The following BBS9 variants were observed in gnomAD, a reference collection of about 807,000 sequenced individuals.
BBS9 encodes the protein Bardet-Biedl syndrome 9, also known as protein PTHB1.
A neutral mutation model predicts 117.7 loss-of-function variants in BBS9; 89 were observed. The observed-to-expected ratio is 0.76, with a 90% CI of 0.64 to 0.90. BBS9 has a LOEUF of 0.90. Ranked by LOEUF, BBS9 falls within the 40% of genes least tolerant of loss-of-function variation. The pLI is 0.00. For missense variants in BBS9, 982 were observed against 1,042.2 expected (o/e 0.94, Z 0.80); for synonymous variants, 379 against 370.9 (o/e 1.02, Z -0.25).
At chr7:33,312,011 G>C (rs1809360297) in intron 9 of BBS9, among the ~76,000 whole-genome samples, 1 of 152,170 alleles carries the variant, frequency 6.6e-6, no homozygotes, top group Non-Finnish European at 1.5e-5. Context: ...TTTGCATTTT[G>C]TAATACAAGG....
chr7:33,474,416 T>G (rs190211494), intron 19 of BBS9, among the ~76,000 whole-genome samples: 19 of 152,242 alleles, frequency 1.2e-4, no homozygotes, highest in African/African-American at 4.6e-4. Context: ...CTTTAATTTT[T>G]TTCTTATTAC....
At chr7:33,319,010 A>G (rs1811123708) in intron 9 of BBS9, among the ~76,000 whole-genome samples, 2 of 152,138 alleles carry the variant, frequency 1.3e-5, no homozygotes, top group Admixed American at 1.3e-4. Context: ...TAAAAATACA[A>G]AAGTTAGCTG....
At chr7:33,405,023 A>G (rs1202816704) in intron 19 of BBS9, among the ~76,000 whole-genome samples, 1 of 152,186 alleles carries the variant, frequency 6.6e-6, no homozygotes, top group Non-Finnish European at 1.5e-5. Context: ...TGTCCCATCA[A>G]TACCGAACTT....
chr7:33,302,890 A>T (rs1388942853), intron 9 of BBS9, among the ~76,000 whole-genome samples: 1 of 152,190 alleles, frequency 6.6e-6, no homozygotes, highest in South Asian at 2.1e-4. Context: ...TTTTAACAAT[A>T]TTGATTCTTC....
In BBS9 at chr7:33,482,460, G is replaced by A. The variant is rs184555207; in HGVS notation, c.2116-23003G>A. Among the ~76,000 whole-genome samples the A allele has an allele frequency of 2.8e-4, 42 of 152,234 alleles. No individual in the cohort carries two copies. The South Asian group carries it at 8.1e-3, about 29-fold the overall frequency. On this transcript the variant is annotated intron_variant, in intron 19 of 22. Coordinates refer to ENST00000242067, the MANE Select transcript of BBS9 (RefSeq NM_198428.3). ...TTTTTTAGGTTTAACTGGTAACATAGGGGAGATGCCATGAAGGATGGCTCA... is the reference window on the plus strand; with the variant it reads ...TTTTTTAGGTTTAACTGGTAACATAAGGGAGATGCCATGAAGGATGGCTCA...
At chr7:33,350,179 T>A (rs938585719) in intron 13 of BBS9, among the ~76,000 whole-genome samples, 1 of 152,200 alleles carries the variant, frequency 6.6e-6, no homozygotes, top group Non-Finnish European at 1.5e-5. Context: ...TTACTATAGC[T>A]TTTCTGCTAA....
intron 19 of BBS9, among the ~76,000 whole-genome samples, chr7:33,454,837 T>C (rs1838404186): frequency 6.6e-6 from 1 of 152,160 alleles, no homozygotes; most frequent in South Asian, 2.1e-4. Context: ...AGTCTCTTTG[T>C]ACATCCCCTT....
At chr7:33,541,780 T>G (rs1046811971) in intron 21 of BBS9, among the ~76,000 whole-genome samples, 3 of 152,186 alleles carry the variant, frequency 2.0e-5, no homozygotes, top group African/African-American at 7.2e-5. Flanking sequence ...ATGTTAGTGG[T>G]TGCCTAGGAC....
intron 5 of BBS9, among the ~76,000 whole-genome samples, chr7:33,189,398 G>C (rs959093217): frequency 1.2e-4 from 18 of 151,968 alleles, no homozygotes; most frequent in African/African-American, 4.1e-4. Context: ...CGTGTAATTT[G>C]TGCCTTATAG....
In BBS9 at chr7:33,390,650, G is replaced by A. The variant is rs539284413; in HGVS notation, c.2115+2506G>A. On this transcript the variant is annotated intron_variant, in intron 19 of 22. Coordinates refer to ENST00000242067, the MANE Select transcript of BBS9 (RefSeq NM_198428.3). ...GCATAATAAAGTCTATTTTAATTCC[G>A]TTTAGTCAGTTTTTTAATGACATAC... 2.0e-3 allele frequency: 1,845 copies of A among 945,310 alleles called. 16 individuals are homozygous for A. Among genetic ancestry groups the A allele is most frequent in the African/African-American group, 0.018 (1,006 of 56,424 alleles). The allele number at this position is 945,310 out of a possible 1,614,324, so 58.6% of individuals were successfully genotyped here.
intron 20 of BBS9, among the ~76,000 whole-genome samples, chr7:33,516,353 G>T (rs1008825299): frequency 1.3e-5 from 2 of 151,912 alleles, no homozygotes; most frequent in African/African-American, 4.8e-5. Context: ...GCCTGGTGCG[G>T]TGGCAGGCAC....
chr7:33,151,419 G>GAGAGTTGGGAA, intron 2 of BBS9, among the ~76,000 whole-genome samples: 1 of 152,170 alleles, frequency 6.6e-6, no homozygotes, highest in South Asian at 2.1e-4. Flanking sequence ...ATGTAAGATA[G>GAGAGTTGGGAA]CTTTCCCAAT....
At chr7:33,594,148 T>C (rs149072603) in intron 21 of BBS9, among the ~76,000 whole-genome samples, 55 of 152,266 alleles carry the variant, frequency 3.6e-4, no homozygotes, top group African/African-American at 1.3e-3. Flanking sequence ...TTAAAACTTG[T>C]TGAGACACAT....
At chr7:33,215,184 C>T (rs1016889282) in intron 5 of BBS9, among the ~76,000 whole-genome samples, 10 of 152,196 alleles carry the variant, frequency 6.6e-5, no homozygotes, top group African/African-American at 2.4e-4. Flanking sequence ...CAGAGCGAGA[C>T]TCCGTCTCAG....
intron 21 of BBS9, among the ~76,000 whole-genome samples, chr7:33,626,063 G>A (rs576020539): frequency 1.3e-5 from 2 of 152,262 alleles, no homozygotes; most frequent in South Asian, 4.1e-4. Flanking sequence ...GGAGGAGAGG[G>A]GCCTGGTGGG....
At chr7:33,457,892 G>A (rs1346640520) in intron 19 of BBS9, among the ~76,000 whole-genome samples, 1 of 152,118 alleles carries the variant, frequency 6.6e-6, no homozygotes, top group Non-Finnish European at 1.5e-5. Flanking sequence ...TTGCCAAATA[G>A]TTGCCATTTA....
At chr7:33,569,846 C>T (rs1371972569) in intron 21 of BBS9, among the ~76,000 whole-genome samples, 1 of 151,954 alleles carries the variant, frequency 6.6e-6, no homozygotes, top group Non-Finnish European at 1.5e-5. Context: ...CATGATATTC[C>T]CTAGCTCTGT....
chr7:33,605,173 C>G, intron 22 of BBS9, 22 bp from the exon 23 acceptor site: 1 of 1,603,360 alleles, frequency 6.2e-7, no homozygotes, highest in Non-Finnish European at 8.5e-7. Context: ...CTCTCTTTCT[C>G]TCTTACTCTC....
chr7:33,597,619 G>A (rs1011037717), intron 21 of BBS9, among the ~76,000 whole-genome samples: 1 of 151,962 alleles, frequency 6.6e-6, no homozygotes, highest in African/African-American at 2.4e-5. Flanking sequence ...CTGTATCACT[G>A]AAAGGAAGGA....
Sources: allele counts gnomAD v4.1 joint callset (sites outside exome capture counted in the v4.1 genomes callset), GRCh38; gene constraint gnomAD v4.1.1; transcripts MANE v1.5; gene names NCBI Gene and HGNC (gene_info 2026-07-23, HGNC 2026-07-21).